The following SOX5 variants were observed in gnomAD, a reference collection of about 807,000 sequenced individuals.
SOX5 encodes the protein transcription factor SOX-5.
Under a neutral mutation model 92.0 loss-of-function variants are expected in SOX5, and 9 were observed. The observed-to-expected ratio is 0.10, with a 90% CI of 0.06 to 0.17. The LOEUF is 0.17. Ranked by LOEUF, SOX5 falls within the 10% of genes least tolerant of loss-of-function variation. The pLI is 1.00. For synonymous variants in SOX5, 344 were observed against 336.3 expected (o/e 1.02, Z -0.25); for missense variants, 642 against 944.5 (o/e 0.68, Z 4.20).
intron 1 of SOX5, among the ~76,000 whole-genome samples, chr12:24,413,044 C>T (rs1006824931): frequency 6.6e-6 from 1 of 152,166 alleles, no homozygotes; most frequent in Non-Finnish European, 1.5e-5. Context: ...CTTGAGCCAT[C>T]GCGCCCGGCC....
At chr12:24,539,866 C>T (rs1951962380) in intron 1 of SOX5, among the ~76,000 whole-genome samples, 1 of 152,030 alleles carries the variant, frequency 6.6e-6, no homozygotes, top group African/African-American at 2.4e-5. Flanking sequence ...AATAAGAAAA[C>T]ATTTGGAATT....
At chr12:24,012,055 G>A (rs929966646) in intron 4 of SOX5, among the ~76,000 whole-genome samples, 31 of 151,876 alleles carry the variant, frequency 2.0e-4, no homozygotes, top group African/African-American at 7.5e-4. Flanking sequence ...GATCACTTTT[G>A]CTAACTTTTT....
intron 4 of SOX5, among the ~76,000 whole-genome samples, chr12:24,031,531 G>T (rs1388213360): frequency 6.6e-6 from 1 of 151,802 alleles, no homozygotes; most frequent in African/African-American, 2.4e-5. Flanking sequence ...AGCTGCAGAG[G>T]TGGATGAAGG....
chr12:24,012,129 G>GA (rs11419407), intron 4 of SOX5, among the ~76,000 whole-genome samples: 129,152 of 151,690 alleles, frequency 0.85, 56,597 homozygotes, highest in Non-Finnish European at 0.95. Context: ...GACTTCAGCA[G>GA]AAAAAAAACA....
intron 1 of SOX5, among the ~76,000 whole-genome samples, chr12:23,939,085 G>A (rs777515405): frequency 5.3e-5 from 8 of 150,754 alleles, no homozygotes; most frequent in Non-Finnish European, 1.2e-4. Flanking sequence ...TGCATTGGGG[G>A]ATAAATAATT....
At chr12:24,552,335 G>A (rs1953274743) in intron 1 of SOX5, among the ~76,000 whole-genome samples, 1 of 152,116 alleles carries the variant, frequency 6.6e-6, no homozygotes, top group Non-Finnish European at 1.5e-5. Context: ...TACCAAACTA[G>A]ATCAATGAAT....
intron 1 of SOX5, among the ~76,000 whole-genome samples, chr12:24,402,998 C>G (rs571494799): frequency 1.6e-4 from 24 of 152,274 alleles, no homozygotes; most frequent in African/African-American, 5.8e-4. Flanking sequence ...GAAAATCTTT[C>G]TTGCCAATAG....
rs1048710708 is a variant in SOX5 at position 23,645,123 on chromosome 12, T to A, written c.932-4226A>T. The stretch of plus-strand genomic sequence containing the variant: ...TCTATCTTTTCTAATTAAGTGCTTA[T>A]TTGAATAATGTTGACCATCATCAGT... On this transcript the variant is annotated intron_variant, in intron 7 of 14. Coordinates refer to ENST00000451604, the MANE Select transcript of SOX5 (RefSeq NM_006940.6). 3.9e-5 allele frequency among the ~76,000 whole-genome samples: 6 copies of A among 152,346 alleles called. No homozygotes were observed. In the South Asian group the frequency reaches 1.2e-3, roughly 32 times the overall value.
chr12:24,086,542 T>C (rs1381980004), intron 4 of SOX5, among the ~76,000 whole-genome samples: 2 of 151,898 alleles, frequency 1.3e-5, no homozygotes, highest in African/African-American at 2.4e-5. Context: ...TAAGAAAAAC[T>C]AGTTTAAAAA....
intron 3 of SOX5, among the ~76,000 whole-genome samples, chr12:24,263,995 T>A (rs553190401): frequency 6.6e-6 from 1 of 152,320 alleles, no homozygotes; most frequent in South Asian, 2.1e-4. Flanking sequence ...ACACCAGAAA[T>A]AATAGTTGGA....
At position 23,682,996 on chromosome 12, in the gene SOX5, T is replaced by C. The variant is rs577398155; in HGVS notation, c.811-17432A>G. Reference sequence around the variant, plus strand: ...TAAATATGTATCATAAAGGCAAAAATTATTGCATATTTTAATGTATATTAA... The same window carrying C: ...TAAATATGTATCATAAAGGCAAAAACTATTGCATATTTTAATGTATATTAA... On this transcript the variant is annotated intron_variant, in intron 6 of 14. Transcript: ENST00000451604. Among the ~76,000 whole-genome samples the C allele has an allele frequency of 4.1e-4, 62 of 151,974 alleles. No individual in the cohort carries two copies. The South Asian group carries it at 6.2e-3, about 15-fold the overall frequency.
At chr12:23,865,746 G>T (rs1227575787) in intron 2 of SOX5, among the ~76,000 whole-genome samples, 1 of 152,122 alleles carries the variant, frequency 6.6e-6, no homozygotes, top group Non-Finnish European at 1.5e-5. Flanking sequence ...GATGTATCTT[G>T]GCAAAGTAAA....
intron 4 of SOX5, among the ~76,000 whole-genome samples, chr12:24,141,200 C>T (rs1377906083): frequency 2.0e-5 from 3 of 152,114 alleles, no homozygotes; most frequent in Admixed American, 2.0e-4. Flanking sequence ...TTTTAAACAT[C>T]CTTTTACATC....
chr12:23,879,561 G>T (rs905417054), intron 2 of SOX5, among the ~76,000 whole-genome samples: 5 of 152,070 alleles, frequency 3.3e-5, no homozygotes, highest in Admixed American at 3.3e-4. Flanking sequence ...TAAGCAGCAT[G>T]GTACCAGGGC....
intron 4 of SOX5, among the ~76,000 whole-genome samples, chr12:24,174,939 G>A (rs1316992919): frequency 3.9e-5 from 6 of 152,172 alleles, no homozygotes; most frequent in Non-Finnish European, 8.8e-5. Flanking sequence ...GGGGTACCTT[G>A]CAGCCAGTCT....
chr12:23,602,255 C>T (rs2074600989), intron 9 of SOX5, among the ~76,000 whole-genome samples: 2 of 152,144 alleles, frequency 1.3e-5, no homozygotes, highest in African/African-American at 4.8e-5. Context: ...AATACTCATT[C>T]TCTTTTGCAC....
At chr12:24,403,444 A>C (rs1962219008) in intron 1 of SOX5, among the ~76,000 whole-genome samples, 1 of 152,230 alleles carries the variant, frequency 6.6e-6, no homozygotes. Context: ...GAATAAACAA[A>C]AAAGGAGGAG....
At chr12:24,151,865 AAAT>A (rs1951692615) in intron 4 of SOX5, among the ~76,000 whole-genome samples, 1 of 151,524 alleles carries the variant, frequency 6.6e-6, no homozygotes, top group Non-Finnish European at 1.5e-5. Context: ...AGAAGTAAAA[AAAT>A]AAATAAATAA....
At chr12:23,599,275 G>T (rs1255313423) in intron 9 of SOX5, among the ~76,000 whole-genome samples, 1 of 152,228 alleles carries the variant, frequency 6.6e-6, no homozygotes, top group African/African-American at 2.4e-5. Flanking sequence ...GCAGCTCAAA[G>T]AATCTGATTG....
Sources: allele counts gnomAD v4.1 joint callset (sites outside exome capture counted in the v4.1 genomes callset), GRCh38; gene constraint gnomAD v4.1.1; transcripts MANE v1.5; gene names NCBI Gene and HGNC (gene_info 2026-07-23, HGNC 2026-07-21).